The following CACNA1C variants were observed in gnomAD, a reference collection of about 807,000 sequenced individuals.
CACNA1C encodes voltage-dependent L-type calcium channel subunit alpha-1C.
CACNA1C carries 30 observed loss-of-function variants against 229.0 expected under a neutral mutation model. The observed-to-expected ratio is 0.13, with a 90% CI of 0.10 to 0.18. The LOEUF is 0.18. Ranked by LOEUF, CACNA1C falls within the 10% of genes least tolerant of loss-of-function variation. The probability of loss-of-function intolerance (pLI) is 1.00; values close to 1 mark genes in which losing one functional copy is unlikely to be tolerated. For synonymous variants in CACNA1C, 1,114 were observed against 1,132.5 expected (o/e 0.98, Z 0.33); for missense variants, 1,658 against 2,845.0 (o/e 0.58, Z 9.49).
At chr12:2,627,040 A>G (rs1192228225) in intron 29 of CACNA1C, among the ~76,000 whole-genome samples, 5 of 152,168 alleles carry the variant, frequency 3.3e-5, no homozygotes, top group African/African-American at 1.2e-4. Flanking sequence ...TCCTGCAACT[A>G]GGAGAGCAGC....
At chr12:2,203,617 G>A (rs781413763) in intron 3 of CACNA1C, among the ~76,000 whole-genome samples, 1 of 152,140 alleles carries the variant, frequency 6.6e-6, no homozygotes, top group Non-Finnish European at 1.5e-5. Context: ...CCAGGGATCC[G>A]CATTCTTAGG....
chr12:2,389,435 T>C (rs928510882), intron 3 of CACNA1C, among the ~76,000 whole-genome samples: 1 of 152,178 alleles, frequency 6.6e-6, no homozygotes, highest in East Asian at 1.9e-4. Flanking sequence ...GGATATCTTC[T>C]ATTTTTGTTG....
At position 2,467,932 on chromosome 12, in the gene CACNA1C, G is replaced by C. The variant is rs781152544; in HGVS notation, c.757+10226G>C. ...CAATCTACAAAGAGTGAGTGATGGG[G>C]GTGCCATGGATAAGGAGGAGATTCT... On this transcript the variant is annotated intron_variant, in intron 5 of 46. Coordinates refer to ENST00000399655, the MANE Select transcript of CACNA1C (RefSeq NM_000719.7). This position sits in a 1 kb window ranked among gnomAD's most constrained non-coding sequence, Gnocchi z 4.6. Among the ~76,000 whole-genome samples the C allele has an allele frequency of 4.6e-5, 7 of 152,186 alleles. No individual in the cohort carries two copies. The highest frequency in any genetic ancestry group is 1.0e-4 in the Non-Finnish European group (7 of 68,042).
chr12:2,302,939 T>G (rs1446654213), intron 3 of CACNA1C, among the ~76,000 whole-genome samples: 1 of 152,188 alleles, frequency 6.6e-6, no homozygotes, highest in African/African-American at 2.4e-5. Context: ...TTGGCCATGG[T>G]GAGGGGCTCT....
At chr12:1,980,727 T>C (rs1464453059) in intron 1 of CACNA1C, among the ~76,000 whole-genome samples, 1 of 143,622 alleles carries the variant, frequency 7.0e-6, no homozygotes, top group Non-Finnish European at 1.5e-5. Flanking sequence ...TCTATAAAAA[T>C]GAAAAAAAGT....
chr12:1,977,391 T>C (rs2034743296), intron 1 of CACNA1C, among the ~76,000 whole-genome samples: 1 of 152,224 alleles, frequency 6.6e-6, no homozygotes, highest in Non-Finnish European at 1.5e-5. Flanking sequence ...CTCGACAACT[T>C]TGTGACTCCT....
chr12:2,082,307 A>T (rs1047909291), intron 1 of CACNA1C, among the ~76,000 whole-genome samples: 1 of 152,016 alleles, frequency 6.6e-6, no homozygotes, highest in Non-Finnish European at 1.5e-5. Context: ...CTTCCTGTGA[A>T]TTAATGCCCC....
At position 2,504,340 on chromosome 12, in the gene CACNA1C, C is replaced by T. The variant is rs766496560; in HGVS notation, c.1114-502C>T. Reference sequence around the variant, plus strand: ...CATGAACAAAGCCCACGTTCAGCCCCGTCTGTCCCCTCCCAATCTGCTCAC... The same window carrying T: ...CATGAACAAAGCCCACGTTCAGCCCTGTCTGTCCCCTCCCAATCTGCTCAC... On this transcript the variant is annotated intron_variant, in intron 7 of 46. Transcript: ENST00000399655. The surrounding 1 kb of genome is among the most constrained non-coding windows in gnomAD (Gnocchi z 6.8). The T allele has an allele frequency of 1.8e-5, 13 of 731,590 alleles. No homozygotes were observed. The highest frequency in any genetic ancestry group is 1.5e-4 in the East Asian group (6 of 40,416). The allele number at this position is 731,590 out of a possible 1,614,324, so 45.3% of individuals were successfully genotyped here.
chr12:2,289,322 C>T (rs1471665417), intron 3 of CACNA1C, among the ~76,000 whole-genome samples: 1 of 152,134 alleles, frequency 6.6e-6, no homozygotes, highest in Non-Finnish European at 1.5e-5. Flanking sequence ...AATAGTCATC[C>T]TGAATTTCCT....
chr12:2,141,661 G>A (rs2094208897), intron 3 of CACNA1C, among the ~76,000 whole-genome samples: 2 of 151,400 alleles, frequency 1.3e-5, no homozygotes, highest in Admixed American at 6.6e-5. Flanking sequence ...TGGGGGCTGC[G>A]AGGTTCCAGA....
At chr12:2,577,083 A>G (rs1297889618) in intron 13 of CACNA1C, among the ~76,000 whole-genome samples, 3 of 152,274 alleles carry the variant, frequency 2.0e-5, no homozygotes, top group Non-Finnish European at 2.9e-5. Context: ...TGCAAAGGAA[A>G]GGAAAGGACA....
At position 2,677,397 on chromosome 12, in the gene CACNA1C, T is replaced by TCCCTACCTGCCACCCACC; in HGVS notation, c.4956+177_4956+194dup. Reference sequence around the variant, plus strand: ...CTGTGAGAAGGGGGTGATGTGCCCTTCCCTACCTGCCACCCACCGACTGCC... The same window carrying TCCCTACCTGCCACCCACC: ...CTGTGAGAAGGGGGTGATGTGCCCTTCCCTACCTGCCACCCACCCCCTACCTGCCACCCACCGACTGCC... On this transcript the variant is annotated intron_variant, in intron 40 of 46. Coordinates refer to ENST00000399655, the MANE Select transcript of CACNA1C (RefSeq NM_000719.7). The surrounding 1 kb of genome is among the most constrained non-coding windows in gnomAD (Gnocchi z 7.4). 1.4e-6 allele frequency: 1 copy of TCCCTACCTGCCACCCACC among 694,368 alleles called. No homozygotes were observed. The highest frequency in any genetic ancestry group is 2.9e-5 in the Admixed American group (1 of 33,910). 43.0% of individuals were successfully genotyped at this position (694,368 alleles called of 1,614,324 possible).
At chr12:2,638,411 G>A (rs570546540) in intron 30 of CACNA1C, among the ~76,000 whole-genome samples, 1 of 152,216 alleles carries the variant, frequency 6.6e-6, no homozygotes, top group South Asian at 2.1e-4. Context: ...GCTGGGAAAG[G>A]AGAGGTGAGG....
At chr12:2,458,981 CTTTTTTTT>C (rs71057826) in intron 5 of CACNA1C, among the ~76,000 whole-genome samples, 6 of 105,594 alleles carry the variant, frequency 5.7e-5, no homozygotes, top group Admixed American at 4.5e-4. Flanking sequence ...CTTTTTCTTT[CTTTTTTTT>C]TTTTTTTTTT....
intron 3 of CACNA1C, among the ~76,000 whole-genome samples, chr12:2,365,230 G>A (rs574768096): frequency 1.8e-4 from 28 of 152,320 alleles, no homozygotes; most frequent in South Asian, 1.0e-3. Context: ...GAGTAAGCTC[G>A]ATGTTAATTC....
At chr12:2,199,829 G>C (rs1201405781) in intron 3 of CACNA1C, among the ~76,000 whole-genome samples, 1 of 152,094 alleles carries the variant, frequency 6.6e-6, no homozygotes, top group Admixed American at 6.6e-5. Flanking sequence ...CTGCCGTGAG[G>C]CAGGACCATA....
chr12:1,997,358 T>C lies in CACNA1C; in HGVS notation c.139+26157T>C, dbSNP rs542624349. Among the ~76,000 whole-genome samples the C allele has an allele frequency of 5.9e-5, 9 of 152,218 alleles. No individual in the cohort carries two copies. The South Asian group carries it at 1.2e-3, about 21-fold the overall frequency. ...CCTGACCAACATGGTGAAACCTCCGTTGCTACTAAAAATTAGCTGGGCGTG... is the reference window on the plus strand; with the variant it reads ...CCTGACCAACATGGTGAAACCTCCGCTGCTACTAAAAATTAGCTGGGCGTG... On this transcript the variant is annotated intron_variant, in intron 1 of 46. Transcript: ENST00000682462.
chr12:2,415,200 C>T (rs1216741536), intron 3 of CACNA1C, among the ~76,000 whole-genome samples: 1 of 152,194 alleles, frequency 6.6e-6, no homozygotes, highest in Non-Finnish European at 1.5e-5. Context: ...CCTTTTTATT[C>T]TCCTTTGTAT....
chr12:2,498,925 CAT>C (rs1434509640), intron 7 of CACNA1C, among the ~76,000 whole-genome samples: 1 of 152,236 alleles, frequency 6.6e-6, no homozygotes, highest in African/African-American at 2.4e-5. Context: ...GATGTCAGCA[CAT>C]GAGTCCATCT....
Sources: gnomAD v4.1 joint callset for allele counts (sites outside exome capture counted in the v4.1 genomes callset) on GRCh38, gnomAD v4.1.1 for gene constraint, Gnocchi (gnomAD v3.1) non-coding constraint, MANE v1.5 for transcripts, NCBI Gene and HGNC (gene_info 2026-07-23, HGNC 2026-07-21) for gene names.